The following AKNA variants were observed in gnomAD, a reference collection of about 807,000 sequenced individuals.
AKNA encodes the protein microtubule organization protein AKNA.
AKNA carries 67 observed loss-of-function variants against 138.8 expected under a neutral mutation model. That is an observed-to-expected ratio of 0.48 (90% CI 0.40 to 0.59). AKNA has a LOEUF of 0.59. Ranked by LOEUF, AKNA falls within the 20% of genes least tolerant of loss-of-function variation. The probability of loss-of-function intolerance (pLI) is 0.00; values close to 1 mark genes in which losing one functional copy is unlikely to be tolerated. For missense variants in AKNA, 1,813 were observed against 1,880.4 expected, an observed-to-expected ratio of 0.96 and a Z score of 0.66; for synonymous variants, 737 against 754.4, an observed-to-expected ratio of 0.98 and a Z score of 0.38.
intron 9 of AKNA, 119 bp downstream of exon 9, chr9:114,361,585 T>A (rs1831962999): frequency 8.9e-7 from 1 of 1,118,964 alleles, no homozygotes; most frequent in African/African-American, 1.5e-5. Context: ...ATTTACATAT[T>A]TGGCACACAC....
chr9:114,372,783 C>T (rs141363988), intron 4 of AKNA, among the ~76,000 whole-genome samples: 50 of 152,314 alleles, frequency 3.3e-4, no homozygotes, highest in East Asian at 1.7e-3. Context: ...AGCCCCTTCC[C>T]TCCCTTTCCC....
rs182711407 is a variant in AKNA, at chr9:114,374,070, T to C, written c.1416+23A>G. On this transcript the variant is annotated intron_variant, in intron 4 of 21. Transcript: ENST00000374088. ...CTCCTCGGGGACTTGGGCCCATGCCTCCACCCCATCCCGGCCTGGTACCTT... is the reference window on the plus strand; with the variant it reads ...CTCCTCGGGGACTTGGGCCCATGCCCCCACCCCATCCCGGCCTGGTACCTT... 9.5e-5 allele frequency: 147 copies of C among 1,552,178 alleles called. No homozygotes were observed. In the African/African-American group the frequency reaches 1.8e-3, roughly 19 times the overall value.
upstream of AKNA, among the ~76,000 whole-genome samples, chr9:114,395,285 CAG>C (rs1297241858): frequency 6.6e-6 from 1 of 152,122 alleles, no homozygotes; most frequent in Non-Finnish European, 1.5e-5. Flanking sequence ...AGGACACACT[CAG>C]AAAATGAGGA....
At chr9:114,330,757 T>A, downstream of AKNA, 2 of 1,609,086 alleles carry the variant, frequency 1.2e-6, no homozygotes, top group Non-Finnish European at 1.7e-6. Context: ...CTCGATAACA[T>A]TACTGTTTTT....
chr9:114,377,241 A>G lies in AKNA; in HGVS notation c.566T>C (p.Val189Ala). The stretch of plus-strand genomic sequence containing the variant: ...CGGGCTGAGTTCAACGGATGGGTTG[A>G]CCTCGGAATGTTCAGAAAGTTTGTC... ...SGDKLSEHSE[V>A]NPSVELSPAR... The change falls in exon 3 of 22, where the codon GTC becomes GCC. Residue 189 changes from valine (V) to alanine (A), a missense_variant. Transcript: ENST00000374088. 6.2e-7 allele frequency: 1 copy of G among 1,614,020 alleles called. No individual in the cohort carries two copies. Among genetic ancestry groups the G allele is most frequent in the Non-Finnish European group, 8.5e-7 (1 of 1,179,982 alleles).
rs1588977899 is a variant in AKNA at position 114,359,716 on chromosome 9, C to T, written c.2370G>A (p.Glu790=). The T allele has an allele frequency of 2.5e-6, 4 of 1,609,898 alleles. No homozygotes were observed. Among genetic ancestry groups the T allele is most frequent in the Middle Eastern group, 1.7e-4 (1 of 6,060 alleles). The stretch of plus-strand genomic sequence containing the variant: ...CAACTTCCAGGGAGTCACCTCCCCC[C>T]TCTTCCTCCTCCTCCTCCTCTCCTT... ...EEEGEEEEEE[E]GGGDSLEVDG... Residue 790 remains glutamate, a synonymous_variant, in exon 11 of 22, where the codon GAG becomes GAA. Transcript: ENST00000374088.
chr9:114,356,483 T>TCA (rs2131886084), intron 13 of AKNA, among the ~76,000 whole-genome samples: 1 of 152,266 alleles, frequency 6.6e-6, no homozygotes, highest in African/African-American at 2.4e-5. Context: ...CCTCCACTCT[T>TCA]CACCCCTGTC....
chr9:114,397,604 G>C (rs1323921629), upstream of AKNA, among the ~76,000 whole-genome samples: 2 of 152,162 alleles, frequency 1.3e-5, no homozygotes, highest in African/African-American at 4.8e-5. Context: ...CCCGGGAAAG[G>C]AGCTTTGGAA....
intron 4 of AKNA, 127 bp from the exon 5 acceptor site, chr9:114,368,722 C>T (rs1832558089): frequency 7.0e-6 from 6 of 860,566 alleles, no homozygotes; most frequent in Non-Finnish European, 9.3e-6. Context: ...TTCAGTGCAG[C>T]CCTTGGCTAG....
chr9:114,382,739 AT>A (rs1007500926), intron 1 of AKNA, among the ~76,000 whole-genome samples: 1 of 152,222 alleles, frequency 6.6e-6, no homozygotes, highest in Non-Finnish European at 1.5e-5. Context: ...AAGGTCACAT[AT>A]AGTGTGATTC....
chr9:114,330,619 C>T (rs202228078), downstream of AKNA: 1 of 1,605,906 alleles, frequency 6.2e-7, no homozygotes, highest in South Asian at 1.1e-5. Flanking sequence ...CAGCTTCTGG[C>T]CAGAAGACCT....
In AKNA at chr9:114,367,516, C is replaced by T. The variant is rs753156022; in HGVS notation, c.1728+27G>A. ...TGTTCTCCAGGTGAGTTAAGTCTCTCGGGGGCAAAGCTGGGAGTCCACTCA... is the reference window on the plus strand; with the variant it reads ...TGTTCTCCAGGTGAGTTAAGTCTCTTGGGGGCAAAGCTGGGAGTCCACTCA... On this transcript the variant is annotated intron_variant, in intron 6 of 21. Transcript: ENST00000374088. 32 of 1,609,460 alleles carry T rather than the reference C, an allele frequency of 2.0e-5. No individual in the cohort carries two copies. In the Admixed American group the frequency reaches 2.8e-4, roughly 14 times the overall value.
Position 114,368,530 on chromosome 9 carries a change from C to T in AKNA, c.1482G>A (p.Gly494=), listed in dbSNP as rs1832540407. The T allele has an allele frequency of 1.8e-5, 25 of 1,379,970 alleles. No homozygotes were observed. The highest frequency in any genetic ancestry group is 2.4e-5 in the Non-Finnish European group (25 of 1,059,062). The allele number at this position is 1,379,970 out of a possible 1,614,324, so 85.5% of individuals were successfully genotyped here. Reference sequence around the variant, plus strand: ...GGATGGTGAAGGACAAGACCTTGGTCCCCTGGGGCACCATTCCCGTGTGGA... The same window carrying T: ...GGATGGTGAAGGACAAGACCTTGGTTCCCTGGGGCACCATTCCCGTGTGGA... ...HSIHTGMVPQ[G]TKVLSFTIPQ... is the part of the protein sequence containing the mutation. The change falls in exon 5 of 22, where the codon GGG becomes GGA. Residue 494 remains glycine, a synonymous_variant. Transcript: ENST00000374088.
Position 114,376,678 on chromosome 9 carries a change from G to T in AKNA, c.1129C>A (p.Arg377Ser), listed in dbSNP as rs567983802. The T allele has an allele frequency of 1.2e-6, 2 of 1,613,110 alleles. No individual in the cohort carries two copies. The highest frequency in any genetic ancestry group is 1.7e-6 in the Non-Finnish European group (2 of 1,179,672). The change falls in exon 3 of 22, where the codon CGT becomes AGT. Residue 377 changes from arginine to serine, a missense_variant. Transcript: ENST00000374088. ...TTGTGGCTTCTGGACTTGGGGGGAC[G>T]GTAGCTCTCATCTTTGGGGAATCTC... ...RVRFPKDESY[R>S]PPKSRSHNRK...
chr9:114,368,106 G>C (rs565879270), intron 5 of AKNA: 1 of 299,746 alleles, frequency 3.3e-6, no homozygotes, highest in African/African-American at 2.2e-5. Context: ...GGGTTATTGT[G>C]GGGATTAAGT....
rs1303311410 is a variant in AKNA at position 114,367,701 on chromosome 9, G to A, written c.1574-4C>T. On this transcript the variant is annotated splice_region_variant and splice_polypyrimidine_tract_variant and intron_variant, in intron 5 of 21. Transcript: ENST00000374088. Reference sequence around the variant, plus strand: ...TCTCCTCGAGCTGATGGCCACCCTGGAATACACAACTGCTGAAAGCTGGGG... The same window carrying A: ...TCTCCTCGAGCTGATGGCCACCCTGAAATACACAACTGCTGAAAGCTGGGG... 6.4e-7 allele frequency: 1 copy of A among 1,556,454 alleles called. No homozygotes were observed. The highest frequency in any genetic ancestry group is 1.9e-5 in the Admixed American group (1 of 53,184).
rs188506159 is a variant in AKNA at position 114,381,272 on chromosome 9, C to T, written c.62G>A (p.Arg21Gln). The part of the protein sequence containing the change: ...AEPGLGKGPQ[R>Q]RRWAWAEDKR... ...GTCCTCGGCCCAGGCCCAGCGCCGC[C>T]GCTGGGGGCCCTTCCCCAGGCCAGG... The change falls in exon 2 of 22, where the codon CGG becomes CAG. Residue 21 changes from arginine to glutamine, a missense_variant. Transcript: ENST00000374088. 1.7e-4 allele frequency: 272 copies of T among 1,612,896 alleles called. No homozygotes were observed. Among genetic ancestry groups the T allele is most frequent in the Middle Eastern group, 1.7e-4 (1 of 6,058 alleles).
chr9:114,377,423 G>A lies in AKNA; in HGVS notation c.384C>T (p.Thr128=). 1 of 1,613,668 alleles carries A rather than the reference G, an allele frequency of 6.2e-7. No individual in the cohort carries two copies. The highest frequency in any genetic ancestry group is 8.5e-7 in the Non-Finnish European group (1 of 1,179,976). The change falls in exon 3 of 22, where the codon ACC becomes ACT. Residue 128 remains threonine, a synonymous_variant. Coordinates refer to ENST00000374088, the MANE Select transcript of AKNA (RefSeq NM_001317950.2). ...CCTCCTCAACCTCCAGACTTCCGAG[G>A]GTCCCATCTGGCTCCTCTTCAGTCA... ...LDMTEEEPDG[T]LGSLEVEEAG...
chr9:114,360,210 A>T, intron 9 of AKNA, 148 bp from the exon 10 acceptor site: 2 of 927,142 alleles, frequency 2.2e-6, no homozygotes, highest in Non-Finnish European at 3.3e-6. Context: ...ATGTATGTGT[A>T]AACTATGGAG....
Sources: gnomAD v4.1 joint callset for allele counts (sites outside exome capture counted in the v4.1 genomes callset) on GRCh38, gnomAD v4.1.1 for gene constraint, MANE v1.5 for transcripts, NCBI Gene and HGNC (gene_info 2026-07-23, HGNC 2026-07-21) for gene names.